RIDA: variants seen among roughly 807,000 people sequenced by gnomAD.
RIDA encodes reactive intermediate imine deaminase A.
RIDA carries 17 observed loss-of-function variants against 17.8 expected under a neutral mutation model. That is an observed-to-expected ratio of 0.96 (90% CI 0.65 to 1.43). RIDA has a LOEUF of 1.43. Ranked by LOEUF, RIDA falls within the 40% of genes most tolerant of loss-of-function variation. The pLI is 0.00. For missense variants in RIDA, 158 were observed against 161.7 expected, an observed-to-expected ratio of 0.98 and a Z score of 0.12; for synonymous variants, 48 against 55.7, an observed-to-expected ratio of 0.86 and a Z score of 0.62.
chr8:98,116,336 C>T (rs903417037), intron 1 of RIDA, among the ~76,000 whole-genome samples: 1 of 152,180 alleles, frequency 6.6e-6, no homozygotes, highest in Non-Finnish European at 1.5e-5. Context: ...TCCTGTTCTG[C>T]CACATCTCAG....
rs112409824 is a variant in RIDA at position 98,106,358 on chromosome 8, C to G, written c.172-32G>C. 1.9e-5 allele frequency: 30 copies of G among 1,569,340 alleles called. No homozygotes were observed. In the African/African-American group the frequency reaches 2.6e-4, roughly 13 times the overall value. Reference sequence around the variant, plus strand: ...ACCAAGCCAAGAAAGGCCTAAGTCACTGATGTTAGATTTAAAGCTTTAATT... The same window carrying G: ...ACCAAGCCAAGAAAGGCCTAAGTCAGTGATGTTAGATTTAAAGCTTTAATT... On this transcript the variant is annotated intron_variant, in intron 2 of 5. Coordinates refer to ENST00000254878, the MANE Select transcript of RIDA (RefSeq NM_005836.3).
At position 98,104,717 on chromosome 8, in the gene RIDA, TTTA is replaced by T. The variant is rs201069821; in HGVS notation, c.296-176_296-174del. 1.9e-3 allele frequency among the ~76,000 whole-genome samples: 290 copies of T among 152,290 alleles called. 2 individuals carry two copies. In the East Asian group the frequency reaches 0.019, roughly 10 times the overall value. ...TTCTTAGATATAAGCAACATTTATT[TTTA>T]TTTTTTTGAAACAGAGTCTTGCTCT... On this transcript the variant is annotated intron_variant, in intron 4 of 5. Coordinates refer to ENST00000254878, the MANE Select transcript of RIDA (RefSeq NM_005836.3).
intron 2 of RIDA, among the ~76,000 whole-genome samples, chr8:98,107,148 T>A (rs971365996): frequency 4.6e-5 from 7 of 152,250 alleles, no homozygotes; most frequent in Non-Finnish European, 8.8e-5. Flanking sequence ...ACCTCGGAGA[T>A]CTTTCCACAT....
At position 98,108,704 on chromosome 8, in the gene RIDA, C is replaced by A. The variant is rs1433460127; in HGVS notation, c.113G>T (p.Gly38Val). Residue 38 changes from glycine (G) to valine (V), a missense_variant, in exon 2 of 6, where the codon GGC becomes GTC. Transcript: ENST00000254878. The stretch of plus-strand genomic sequence containing the variant: ...AAGCTGTCCACTTGAAGGGTCCATG[C>A]CTATCTGTCCTGAAATGTAAATGGT... ...DRTIYISGQI[G>V]MDPSSGQLVS... 1.2e-6 allele frequency: 2 copies of A among 1,613,724 alleles called. No individual in the cohort carries two copies. Among genetic ancestry groups the A allele is most frequent in the Admixed American group, 1.7e-5 (1 of 60,016 alleles).
chr8:98,102,860 CA>C lies in RIDA; in HGVS notation c.395del (p.Leu132ArgfsTer18), dbSNP rs752052771. 5.0e-6 allele frequency: 8 copies of C among 1,613,052 alleles called. No individual in the cohort carries two copies. In the Admixed American group the frequency reaches 1.3e-4, roughly 27 times the overall value. ...GGCCCACTTATAGTGATGCCGTTGT[CA>C]GTGGTCCTTGGATAGCTACTGCTTC... ...EIEAVAIQGPLTTASL is the reference protein window; with the variant it reads ...EIEAVAIQGPXTTASL On this transcript the variant is annotated frameshift_variant, in exon 6 of 6. Coordinates refer to ENST00000254878, the MANE Select transcript of RIDA (RefSeq NM_005836.3). LOFTEE classifies it high-confidence loss of function.
intron 3 of RIDA, 46 bp downstream of exon 3, chr8:98,106,226 C>T (rs753025555): frequency 3.8e-6 from 6 of 1,571,258 alleles, no homozygotes; most frequent in Non-Finnish European, 5.2e-6. Context: ...TCAAAAAGAC[C>T]AAAGAAATAT....
rs527980950 is a variant in RIDA, at chr8:98,110,032, C to G, written c.66-1281G>C. Among the ~76,000 whole-genome samples the G allele has an allele frequency of 4.6e-5, 7 of 152,300 alleles. No individual in the cohort carries two copies. The South Asian group carries it at 8.3e-4, about 18-fold the overall frequency. ...AGCAAGACACACACACATGCACCCA[C>G]TGATAGATCCAACAAAGGACTATAT... On this transcript the variant is annotated intron_variant, in intron 1 of 5. Coordinates refer to ENST00000254878, the MANE Select transcript of RIDA (RefSeq NM_005836.3).
Position 98,111,844 on chromosome 8 carries a change from A to G in RIDA, c.66-3093T>C, listed in dbSNP as rs1282309553. The stretch of plus-strand genomic sequence containing the variant: ...TATGGTTCAAAAATCCAGAAAATAC[A>G]CAAAGAATTGCAGTGAAAAGTCTTT... On this transcript the variant is annotated intron_variant, in intron 1 of 5. Coordinates refer to ENST00000254878, the MANE Select transcript of RIDA (RefSeq NM_005836.3). Among the ~76,000 whole-genome samples the G allele has an allele frequency of 8.5e-5, 13 of 152,220 alleles. No individual in the cohort carries two copies. The East Asian group carries it at 2.5e-3, about 29-fold the overall frequency.
At chr8:98,116,995 G>A in intron 1 of RIDA, 37 bp downstream of exon 1, 1 of 1,565,160 alleles carries the variant, frequency 6.4e-7, no homozygotes. Context: ...GAACCCGCAC[G>A]CCCTGGGTCC....
rs1815573844 is a variant in RIDA at position 98,102,551 on chromosome 8, T to G, written c.*291A>C. 1 of 237,758 alleles carries G rather than the reference T, an allele frequency of 4.2e-6. No homozygotes were observed. Among genetic ancestry groups the G allele is most frequent in the African/African-American group, 2.2e-5 (1 of 44,676 alleles). 14.7% of individuals were successfully genotyped at this position (237,758 alleles called of 1,614,324 possible). A position where few individuals can be genotyped will look rare whatever the true frequency, so the allele number is the denominator to read the frequency against. On this transcript the variant is annotated 3_prime_UTR_variant, in exon 6 of 6. Coordinates refer to ENST00000254878, the MANE Select transcript of RIDA (RefSeq NM_005836.3). ...ATTTCTCAGGAATAGTAACTCTTCT[T>G]TCCTACCTGGTATTTCTCTTTTGTT...
At chr8:98,110,490 C>G (rs1815711486) in intron 1 of RIDA, among the ~76,000 whole-genome samples, 1 of 152,068 alleles carries the variant, frequency 6.6e-6, no homozygotes, top group Admixed American at 6.6e-5. Flanking sequence ...GAACTCCTGA[C>G]CTCAGGTGAT....
Position 98,106,380 on chromosome 8 carries a change from A to C in RIDA, c.172-54T>G, listed in dbSNP as rs916622955. On this transcript the variant is annotated intron_variant, in intron 2 of 5. Transcript: ENST00000254878. Reference sequence around the variant, plus strand: ...TCACTGATGTTAGATTTAAAGCTTTAATTAAATTCAATTAATCATCTTTTA... The same window carrying C: ...TCACTGATGTTAGATTTAAAGCTTTCATTAAATTCAATTAATCATCTTTTA... 26 of 1,407,074 alleles carry C rather than the reference A, an allele frequency of 1.8e-5. No individual in the cohort carries two copies. In the African/African-American group the frequency reaches 3.6e-4, roughly 19 times the overall value. The allele number at this position is 1,407,074 out of a possible 1,614,324, so 87.2% of individuals were successfully genotyped here.
chr8:98,104,431 A>G (rs1815606272), intron 5 of RIDA, 58 bp downstream of exon 5: 1 of 1,087,302 alleles, frequency 9.2e-7, no homozygotes, highest in Non-Finnish European at 1.4e-6. Flanking sequence ...TTACTTATAG[A>G]AGGAAAACAA....
At chr8:98,105,362 T>C (rs1168407722) in intron 4 of RIDA, among the ~76,000 whole-genome samples, 2 of 152,170 alleles carry the variant, frequency 1.3e-5, no homozygotes, top group Non-Finnish European at 2.9e-5. Context: ...CTCATCCCAT[T>C]AGGTGTTGGG....
Position 98,105,943 on chromosome 8 carries a change from T to G in RIDA, c.290A>C (p.Lys97Thr). The change falls in exon 4 of 6, where the codon AAA (lysine) becomes ACA (threonine). Residue 97 changes from lysine to threonine, a missense_variant. Lys to Thr is a moderately conservative substitution (Grantham distance 78, BLOSUM62 -1). Coordinates refer to ENST00000254878, the MANE Select transcript of RIDA (RefSeq NM_005836.3). Reference sequence around the variant, plus strand: ...AATAAAGCCAAATTACTTACACTGTTTGTAGATTTCATTGACAGTATTGAA... The same window carrying G: ...AATAAAGCCAAATTACTTACACTGTGTGTAGATTTCATTGACAGTATTGAA... ...NDFNTVNEIY[K>T]QYFKSNFPAR... 6.3e-7 allele frequency: 1 copy of G among 1,596,888 alleles called. No individual in the cohort carries two copies. Among genetic ancestry groups the G allele is most frequent in the Non-Finnish European group, 8.6e-7 (1 of 1,164,736 alleles).
chr8:98,102,659 G>T lies in RIDA; in HGVS notation c.*183C>A. 2.2e-6 allele frequency: 1 copy of T among 463,508 alleles called. No individual in the cohort carries two copies. Among genetic ancestry groups the T allele is most frequent in the Non-Finnish European group, 3.8e-6 (1 of 261,496 alleles). The allele number at this position is 463,508 out of a possible 1,614,324, so 28.7% of individuals were successfully genotyped here. Reference sequence around the variant, plus strand: ...CAGGTGTAATTTAAAAAAGTAACTGGATTCCTTCTCTAATATTCATGTTCA... The same window carrying T: ...CAGGTGTAATTTAAAAAAGTAACTGTATTCCTTCTCTAATATTCATGTTCA... On this transcript the variant is annotated 3_prime_UTR_variant, in exon 6 of 6. Transcript: ENST00000254878.
Position 98,102,483 on chromosome 8 carries a change from A to C in RIDA, c.*359T>G, listed in dbSNP as rs1175136578. On this transcript the variant is annotated 3_prime_UTR_variant, in exon 6 of 6. Transcript: ENST00000254878. ...GAATCACATAACGGACATCAAAACT[A>C]AATAGTTCACATCATTAGTTTAAAT... is the stretch of plus-strand genomic sequence containing the variant. 2 of 162,324 alleles carry C rather than the reference A, an allele frequency of 1.2e-5. No individual in the cohort carries two copies. The highest frequency in any genetic ancestry group is 2.7e-5 in the Non-Finnish European group (2 of 74,830). 10.1% of individuals were successfully genotyped at this position (162,324 alleles called of 1,614,324 possible). A position where few individuals can be genotyped will look rare whatever the true frequency, so the allele number is the denominator to read the frequency against.
intron 1 of RIDA, among the ~76,000 whole-genome samples, chr8:98,112,162 T>C (rs1018216741): frequency 4.6e-5 from 7 of 150,690 alleles, no homozygotes; most frequent in African/African-American, 1.7e-4. Context: ...CCATTGCTTC[T>C]GATATTTTGT....
chr8:98,106,020 A>C lies in RIDA; in HGVS notation c.227-14T>G. 6.4e-7 allele frequency: 1 copy of C among 1,572,342 alleles called. No homozygotes were observed. Among genetic ancestry groups the C allele is most frequent in the South Asian group, 1.1e-5 (1 of 90,166 alleles). ...TTGTTTTCACCACTAGAAGATATAA[A>C]CATTGTCATTAGGTTTAGTTATTTG... On this transcript the variant is annotated splice_polypyrimidine_tract_variant and intron_variant, in intron 3 of 5. Coordinates refer to ENST00000254878, the MANE Select transcript of RIDA (RefSeq NM_005836.3).
Sources: allele counts gnomAD v4.1 joint callset (sites outside exome capture counted in the v4.1 genomes callset), GRCh38; gene constraint gnomAD v4.1.1; transcripts MANE v1.5; gene names NCBI Gene and HGNC (gene_info 2026-07-23, HGNC 2026-07-21).